AUH: variants seen among roughly 807,000 people sequenced by gnomAD.
AUH encodes methylglutaconyl-CoA hydratase, mitochondrial.
A neutral mutation model predicts 42.3 loss-of-function variants in AUH; 29 were observed. The ratio of observed to expected loss-of-function variants is 0.69; its 90% CI spans 0.51 to 0.93. The LOEUF (loss-of-function observed/expected upper bound fraction) is 0.93. AUH is among the 40% of genes least tolerant of loss of function. The probability of loss-of-function intolerance (pLI) is 0.00; values close to 1 mark genes in which losing one functional copy is unlikely to be tolerated. For missense variants in AUH, 452 were observed against 438.1 expected (o/e 1.03, Z -0.28); for synonymous variants, 174 against 166.4 (o/e 1.05, Z -0.35).
chr9:91,260,684 G>A (rs1368559574), intron 6 of AUH, among the ~76,000 whole-genome samples: 1 of 152,076 alleles, frequency 6.6e-6, no homozygotes, highest in African/African-American at 2.4e-5. Flanking sequence ...CTCAATTTGG[G>A]GAAGTTTTGG....
intron 7 of AUH, 143 bp downstream of exon 7, chr9:91,220,662 C>T: frequency 1.3e-6 from 1 of 777,462 alleles, no homozygotes; most frequent in Non-Finnish European, 2.1e-6. Flanking sequence ...TGTGTAACTG[C>T]TCTAGTTTTA....
rs1826598770 is a variant in AUH at position 91,288,498 on chromosome 9, G to A, written c.655+7523C>T. On this transcript the variant is annotated intron_variant, in intron 6 of 9. Coordinates refer to ENST00000375731, the MANE Select transcript of AUH (RefSeq NM_001698.3). ...AAAATCCCCAATAAAATTACGACAA[G>A]GTTCTGGGGTAACCATTTAAATTAT... 2.0e-5 allele frequency among the ~76,000 whole-genome samples: 3 copies of A among 152,194 alleles called. No individual in the cohort carries two copies. The South Asian group carries it at 6.2e-4, about 32-fold the overall frequency.
chr9:91,358,851 T>C (rs1245820666), intron 1 of AUH, among the ~76,000 whole-genome samples: 5 of 152,242 alleles, frequency 3.3e-5, no homozygotes, highest in Non-Finnish European at 1.5e-5. Flanking sequence ...ATGTAACAAC[T>C]GTACCATCAA....
intron 6 of AUH, among the ~76,000 whole-genome samples, chr9:91,271,783 C>T (rs187460727): frequency 6.8e-4 from 104 of 152,294 alleles, no homozygotes; most frequent in Middle Eastern, 3.4e-3. Flanking sequence ...CAGGTTCAAG[C>T]GATTCTCCTG....
chr9:91,294,916 T>C (rs1231788847), intron 6 of AUH: 6 of 386,568 alleles, frequency 1.6e-5, no homozygotes, highest in Admixed American at 2.9e-5. Flanking sequence ...TTCTTGTGGA[T>C]TGATCTGGTT....
chr9:91,338,994 GGAGT>G (rs1292090663), intron 3 of AUH, among the ~76,000 whole-genome samples: 2 of 152,076 alleles, frequency 1.3e-5, no homozygotes, highest in South Asian at 2.1e-4. Flanking sequence ...AAAATAAATA[GGAGT>G]GAGGAAACCT....
Position 91,361,702 on chromosome 9 carries a change from G to A in AUH, c.188C>T (p.Pro63Leu). 6.4e-7 allele frequency: 1 copy of A among 1,559,044 alleles called. No homozygotes were observed. The highest frequency in any genetic ancestry group is 8.7e-7 in the Non-Finnish European group (1 of 1,151,912). Residue 63 changes from proline to leucine, a missense_variant, in exon 1 of 10, where the codon CCG becomes CTG. Pro to Leu is a moderately conservative substitution (Grantham distance 98). Coordinates refer to ENST00000375731, the MANE Select transcript of AUH (RefSeq NM_001698.3). ...GWVPAAGGPA[P>L]KRGYSSEMKT... is the part of the protein sequence containing the mutation. ...CATCTCAGAGCTGTAGCCCCTTTTC[G>A]GGGCGGGACCCCCGGCCGCAGGTAC...
chr9:91,345,208 T>TA (rs538592038), intron 3 of AUH, among the ~76,000 whole-genome samples: 1,787 of 150,284 alleles, frequency 0.012, 15 homozygotes, highest in Non-Finnish European at 0.02. Context: ...AATGGATATA[T>TA]AAAAAAAAAT....
At chr9:91,249,292 C>CAAAAAAAAA (rs59102669) in intron 6 of AUH, among the ~76,000 whole-genome samples, 4 of 32,534 alleles carry the variant, frequency 1.2e-4, no homozygotes, top group Non-Finnish European at 1.2e-4. Flanking sequence ...GAACCTGTCT[C>CAAAAAAAAA]AAAAAAAAAA....
chr9:91,351,970 A>G (rs1832025305), intron 3 of AUH, among the ~76,000 whole-genome samples: 3 of 152,202 alleles, frequency 2.0e-5, no homozygotes, highest in Non-Finnish European at 4.4e-5. Context: ...GTACAGTAAA[A>G]ATACAGTATT....
chr9:91,231,713 A>G (rs1054669689), intron 6 of AUH, among the ~76,000 whole-genome samples: 4 of 152,182 alleles, frequency 2.6e-5, no homozygotes, highest in African/African-American at 9.7e-5. Flanking sequence ...CTACAAAACT[A>G]TTCAAACTCA....
chr9:91,313,257 T>C (rs1345330939), intron 4 of AUH, among the ~76,000 whole-genome samples: 1 of 152,198 alleles, frequency 6.6e-6, no homozygotes, highest in Non-Finnish European at 1.5e-5. Context: ...TCTGGTCTGC[T>C]GGGGATTTGA....
At chr9:91,231,253 G>A in intron 6 of AUH, among the ~76,000 whole-genome samples, 1 of 152,186 alleles carries the variant, frequency 6.6e-6, no homozygotes, top group Non-Finnish European at 1.5e-5. Context: ...ATCTCGTGGT[G>A]CGCCGTTTTT....
intron 3 of AUH, among the ~76,000 whole-genome samples, chr9:91,330,263 AG>A (rs1035631589): frequency 1.3e-5 from 2 of 152,202 alleles, no homozygotes; most frequent in Non-Finnish European, 2.9e-5. Flanking sequence ...ATCTAACAAA[AG>A]GAACATAAGA....
At chr9:91,349,193 T>C (rs1272828562) in intron 3 of AUH, among the ~76,000 whole-genome samples, 3 of 152,254 alleles carry the variant, frequency 2.0e-5, no homozygotes, top group Non-Finnish European at 4.4e-5. Context: ...ATAATGCATG[T>C]TGACAATTTT....
intron 3 of AUH, among the ~76,000 whole-genome samples, chr9:91,332,252 A>G (rs1460596860): frequency 6.6e-6 from 1 of 152,224 alleles, no homozygotes; most frequent in Non-Finnish European, 1.5e-5. Context: ...CTGGAATCAC[A>G]GCACTGTAGG....
At chr9:91,323,849 G>C (rs1181108958) in intron 4 of AUH, among the ~76,000 whole-genome samples, 3 of 152,050 alleles carry the variant, frequency 2.0e-5, no homozygotes, top group African/African-American at 7.2e-5. Flanking sequence ...TGGATAGAAA[G>C]ATTTACTATC....
chr9:91,350,028 C>T (rs571240158), intron 3 of AUH, among the ~76,000 whole-genome samples: 1 of 152,208 alleles, frequency 6.6e-6, no homozygotes, highest in South Asian at 2.1e-4. Context: ...CAGAATGTCA[C>T]GATCAACAAT....
chr9:91,241,120 C>G (rs1490058516), intron 6 of AUH, among the ~76,000 whole-genome samples: 2 of 152,166 alleles, frequency 1.3e-5, no homozygotes, highest in Non-Finnish European at 2.9e-5. Context: ...ATCGGCCAGC[C>G]TGATCTAAAC....
Sources: gnomAD v4.1 joint callset for allele counts (sites outside exome capture counted in the v4.1 genomes callset) on GRCh38, gnomAD v4.1.1 for gene constraint, MANE v1.5 for transcripts, NCBI Gene and HGNC (gene_info 2026-07-23, HGNC 2026-07-21) for gene names.